The following TPRG1 variants were observed in gnomAD, a reference collection of about 807,000 sequenced individuals.
The protein encoded by TPRG1 is tumor protein p63 regulated 1.
In TPRG1, 29 loss-of-function variants were observed where a neutral mutation model predicts 29.3. That is an observed-to-expected ratio of 0.99 (90% confidence interval 0.74 to 1.35). TPRG1 has a LOEUF of 1.35. Ranked by LOEUF, TPRG1 falls within the 40% of genes most tolerant of loss-of-function variation. The pLI is 0.00. For synonymous variants in TPRG1, 130 were observed against 116.8 expected, an observed-to-expected ratio of 1.11 and a Z score of -0.73; for missense variants, 327 against 335.0, an observed-to-expected ratio of 0.98 and a Z score of 0.19.
intron 4 of TPRG1, among the ~76,000 whole-genome samples, chr3:189,059,970 C>G (rs143914596): frequency 6.6e-6 from 1 of 152,154 alleles, no homozygotes; most frequent in Non-Finnish European, 1.5e-5. Context: ...TGGTGGCTTA[C>G]GCCTGTAAGC....
At chr3:189,182,544 G>A (rs1051396931) in intron 1 of TPRG1, among the ~76,000 whole-genome samples, 1 of 152,128 alleles carries the variant, frequency 6.6e-6, no homozygotes, top group Non-Finnish European at 1.5e-5. Flanking sequence ...TATACCATTA[G>A]GTTGGGGGAG....
At chr3:189,247,641 C>T (rs541626902) in intron 4 of TPRG1, among the ~76,000 whole-genome samples, 2,595 of 151,952 alleles carry the variant, frequency 0.017, 77 homozygotes, top group African/African-American at 0.058. Context: ...GTTTTATTCA[C>T]TTATCAATTG....
chr3:189,242,357 C>T (rs1365819223), intron 4 of TPRG1, among the ~76,000 whole-genome samples: 1 of 147,624 alleles, frequency 6.8e-6, no homozygotes. Flanking sequence ...ATTTATTAAT[C>T]GTTTTTTATT....
intron 1 of TPRG1, among the ~76,000 whole-genome samples, chr3:189,110,002 G>C (rs1446439544): frequency 1.3e-5 from 2 of 152,082 alleles, no homozygotes; most frequent in African/African-American, 4.8e-5. Flanking sequence ...TTTTATTCCT[G>C]AGTAGTATTT....
intron 4 of TPRG1, among the ~76,000 whole-genome samples, chr3:189,253,547 G>A (rs1392092752): frequency 6.6e-6 from 1 of 152,174 alleles, no homozygotes; most frequent in African/African-American, 2.4e-5. Context: ...TGTAAATTGT[G>A]CTGCAGTAAA....
intron 4 of TPRG1, chr3:189,240,638 C>T (rs866245424): frequency 2.6e-5 from 4 of 152,138 alleles, no homozygotes; most frequent in East Asian, 3.8e-4. Context: ...TTCACTATCA[C>T]GAGAACAGCG....
At chr3:189,091,869 T>C (rs911954846) in intron 4 of TPRG1, among the ~76,000 whole-genome samples, 3 of 152,186 alleles carry the variant, frequency 2.0e-5, no homozygotes, top group Non-Finnish European at 2.9e-5. Context: ...TTTTCAGATA[T>C]TTTGAAATAC....
chr3:189,250,498 A>C (rs1200688425), intron 4 of TPRG1, among the ~76,000 whole-genome samples: 4 of 35,336 alleles, frequency 1.1e-4, no homozygotes, highest in Non-Finnish European at 1.8e-4. Context: ...ACAAGTTCTG[A>C]TTTCCGCCCC....
chr3:189,035,074 A>G (rs1714174499), intron 4 of TPRG1, among the ~76,000 whole-genome samples: 1 of 152,094 alleles, frequency 6.6e-6, no homozygotes, highest in Admixed American at 6.5e-5. Context: ...GCATGGTACT[A>G]GTATAAAAAC....
At chr3:189,107,303 CA>C (rs1371021576) in intron 1 of TPRG1, among the ~76,000 whole-genome samples, 1 of 152,068 alleles carries the variant, frequency 6.6e-6, no homozygotes, top group Non-Finnish European at 1.5e-5. Flanking sequence ...TGCTTAAAGG[CA>C]GAAAACAGTT....
At chr3:189,057,775 T>C (rs779125191) in intron 4 of TPRG1, among the ~76,000 whole-genome samples, 1 of 147,336 alleles carries the variant, frequency 6.8e-6, no homozygotes, top group East Asian at 2.0e-4. Context: ...CACACACATA[T>C]ACATATATGT....
At chr3:189,265,242 G>T (rs1576896033) in intron 4 of TPRG1, among the ~76,000 whole-genome samples, 1 of 152,288 alleles carries the variant, frequency 6.6e-6, no homozygotes, top group Admixed American at 6.5e-5. Context: ...TGGTAGTAAA[G>T]GGAGTCCCCT....
intron 4 of TPRG1, among the ~76,000 whole-genome samples, chr3:189,063,655 TA>T (rs202236170): frequency 0.075 from 11,343 of 152,138 alleles, 538 homozygotes; most frequent in African/African-American, 0.13. Context: ...TACTTCTAAA[TA>T]CTTTATTGGT....
intron 4 of TPRG1, among the ~76,000 whole-genome samples, chr3:189,086,318 T>A (rs6792424): frequency 0.14 from 21,004 of 151,606 alleles, 2,522 homozygotes; most frequent in African/African-American, 0.33. Context: ...ACCCAGATTG[T>A]GGGTGGGTCT....
chr3:189,157,941 G>A (rs1048347249), intron 5 of TPRG1, among the ~76,000 whole-genome samples: 3 of 152,160 alleles, frequency 2.0e-5, no homozygotes, highest in South Asian at 2.1e-4. Flanking sequence ...AGAGACTAAC[G>A]AAGACTTAAA....
intron 4 of TPRG1, among the ~76,000 whole-genome samples, chr3:189,303,981 CT>C (rs1721236613): frequency 1.3e-5 from 2 of 152,154 alleles, no homozygotes; most frequent in South Asian, 4.1e-4. Flanking sequence ...AAATTCTGCT[CT>C]TGATTTAACC....
chr3:189,192,913 T>A (rs1731919447), intron 1 of TPRG1, among the ~76,000 whole-genome samples: 1 of 152,156 alleles, frequency 6.6e-6, no homozygotes, highest in Non-Finnish European at 1.5e-5. Flanking sequence ...GGAAATACTT[T>A]ATTTTCACTT....
intron 2 of TPRG1, among the ~76,000 whole-genome samples, chr3:189,210,165 T>A (rs1735043191): frequency 6.6e-6 from 1 of 152,170 alleles, no homozygotes; most frequent in Non-Finnish European, 1.5e-5. Context: ...TATGCATATA[T>A]TTCCTCATCT....
At chr3:189,317,947 G>GC (rs1460868468) in intron 5 of TPRG1, among the ~76,000 whole-genome samples, 2 of 152,116 alleles carry the variant, frequency 1.3e-5, no homozygotes, top group Non-Finnish European at 2.9e-5. Context: ...GGAAAAAGGA[G>GC]CTACTGCCTC....
Sources: gnomAD v4.1 joint callset for allele counts (sites outside exome capture counted in the v4.1 genomes callset) on GRCh38, gnomAD v4.1.1 for gene constraint, MANE v1.5 for transcripts, NCBI Gene and HGNC (gene_info 2026-07-23, HGNC 2026-07-21) for gene names.